Variants in SDK1 observed in about 807,000 individuals in gnomAD.
SDK1 encodes protein sidekick-1.
Under a neutral mutation model 245.5 loss-of-function variants are expected in SDK1, and 157 were observed. The observed-to-expected ratio is 0.64, with a 90% CI of 0.56 to 0.73. The LOEUF is 0.73. SDK1 is among the 30% of genes least tolerant of loss of function. The pLI, the probability that SDK1 is intolerant of heterozygous loss-of-function variation, is 0.00. For missense variants in SDK1, 3,583 were observed against 3,002.3 expected (o/e 1.19, Z -4.52); for synonymous variants, 1,647 against 1,278.5 (o/e 1.29, Z -6.15).
intron 5 of SDK1, among the ~76,000 whole-genome samples, chr7:3,825,704 G>C (rs1256267176): frequency 1.3e-5 from 2 of 152,176 alleles, no homozygotes; most frequent in South Asian, 2.1e-4. Flanking sequence ...GTAGTTGAAA[G>C]TGGATTCCTG....
intron 4 of SDK1, among the ~76,000 whole-genome samples, chr7:3,742,197 C>G (rs1042148882): frequency 2.6e-5 from 4 of 151,216 alleles, no homozygotes; most frequent in Non-Finnish European, 5.9e-5. Context: ...CCAATGTTTT[C>G]CGTATCTCTG....
chr7:3,988,002 G>T (rs981452755), intron 14 of SDK1, among the ~76,000 whole-genome samples: 7 of 152,022 alleles, frequency 4.6e-5, no homozygotes, highest in African/African-American at 1.7e-4. Flanking sequence ...TTTCCTTGAT[G>T]ACTCGAACAT....
chr7:3,528,073 T>A (rs1783208053), intron 1 of SDK1, among the ~76,000 whole-genome samples: 1 of 145,836 alleles, frequency 6.9e-6, no homozygotes, highest in Non-Finnish European at 1.5e-5. Context: ...TGAGGTTGGA[T>A]CATAGCCAGC....
chr7:3,633,001 C>G (rs967121480), intron 2 of SDK1, among the ~76,000 whole-genome samples: 2 of 152,030 alleles, frequency 1.3e-5, no homozygotes, highest in Non-Finnish European at 2.9e-5. Flanking sequence ...ATTTATCATG[C>G]CATTCCAAAA....
intron 4 of SDK1, among the ~76,000 whole-genome samples, chr7:3,731,945 C>G (rs540732193): frequency 3.7e-4 from 56 of 152,284 alleles, no homozygotes; most frequent in African/African-American, 1.3e-3. Context: ...GTGCCCACCA[C>G]CACGCCTAGA....
intron 40 of SDK1, among the ~76,000 whole-genome samples, chr7:4,229,579 AT>A (rs879423717): frequency 3.3e-5 from 5 of 150,550 alleles, no homozygotes; most frequent in Admixed American, 1.3e-4. Context: ...AGGGAGAATC[AT>A]TTTTTTTTTC....
At chr7:3,452,175 C>T (rs894783091) in intron 1 of SDK1, among the ~76,000 whole-genome samples, 4 of 152,106 alleles carry the variant, frequency 2.6e-5, no homozygotes, top group South Asian at 2.1e-4. Flanking sequence ...GGGCTTTTGT[C>T]GTGTCAGCTT....
In SDK1 at chr7:4,254,374, T is replaced by C. The variant is rs192917350; in HGVS notation, c.6381+8569T>C. On this transcript the variant is annotated intron_variant, in intron 44 of 44. Transcript: ENST00000404826. ...TCTATCTTTAAGTGAACTGATTCTT[T>C]CTTCTGCCAGCTCAAGTCTACTATT... 3.6e-3 allele frequency among the ~76,000 whole-genome samples: 555 copies of C among 152,326 alleles called. 5 individuals are homozygous for C. Among genetic ancestry groups the C allele is most frequent in the African/African-American group, 0.013 (532 of 41,584 alleles).
At chr7:3,356,202 G>A (rs1490278491) in intron 1 of SDK1, among the ~76,000 whole-genome samples, 3 of 152,128 alleles carry the variant, frequency 2.0e-5, no homozygotes, top group African/African-American at 7.2e-5. Context: ...AATTGAGACA[G>A]TGCTTGCCCT....
chr7:3,371,699 A>T (rs1781232602), intron 1 of SDK1, among the ~76,000 whole-genome samples: 1 of 152,214 alleles, frequency 6.6e-6, no homozygotes, highest in South Asian at 2.1e-4. Flanking sequence ...GAAAAAGATA[A>T]AAGTGGGTAA....
chr7:3,949,422 T>C (rs1027172360), intron 5 of SDK1, among the ~76,000 whole-genome samples: 3 of 152,242 alleles, frequency 2.0e-5, no homozygotes, highest in African/African-American at 4.8e-5. Flanking sequence ...CCGTCGTCTC[T>C]TTCCCGTTGT....
intron 4 of SDK1, among the ~76,000 whole-genome samples, chr7:3,785,778 C>A (rs765576045): frequency 6.6e-6 from 1 of 152,136 alleles, no homozygotes; most frequent in African/African-American, 2.4e-5. Context: ...GAGGAGACAG[C>A]CTCTTAAAAA....
chr7:4,022,488 C>T (rs571843071), intron 17 of SDK1, among the ~76,000 whole-genome samples: 5 of 152,278 alleles, frequency 3.3e-5, no homozygotes, highest in East Asian at 3.9e-4. Flanking sequence ...GCTAGGCTGC[C>T]GTCTCAAAGA....
At chr7:3,517,246 A>T (rs1056551594) in intron 1 of SDK1, among the ~76,000 whole-genome samples, 1 of 152,158 alleles carries the variant, frequency 6.6e-6, no homozygotes, top group East Asian at 1.9e-4. Flanking sequence ...GTTCATCATT[A>T]TGTAAAAATT....
chr7:4,051,890 A>C, intron 19 of SDK1, 60 bp downstream of exon 19: 5 of 1,474,908 alleles, frequency 3.4e-6, no homozygotes, highest in Non-Finnish European at 4.6e-6. Flanking sequence ...ATACCGCTGC[A>C]ACTTCCAGAA....
In SDK1 at chr7:4,147,265, G is replaced by A. The variant is rs141956923; in HGVS notation, c.4423+1349G>A. 8.3e-4 allele frequency among the ~76,000 whole-genome samples: 126 copies of A among 152,130 alleles called. 1 individual carries two copies. The highest frequency in any genetic ancestry group is 2.8e-3 in the African/African-American group (117 of 41,500). On this transcript the variant is annotated intron_variant, in intron 29 of 44. Transcript: ENST00000404826. ...ATGTGATCATAGGTCACCGCAGCCT[G>A]GAATGCCTGGGCTCAAGCAATGCTC...
rs1781268160 is a variant in SDK1, at chr7:3,883,863, C to T, written c.847+62280C>T. 2.6e-5 allele frequency among the ~76,000 whole-genome samples: 4 copies of T among 152,266 alleles called. No individual in the cohort carries two copies. In the South Asian group the frequency reaches 8.3e-4, roughly 32 times the overall value. On this transcript the variant is annotated intron_variant, in intron 5 of 44. Transcript: ENST00000404826. ...AATTTTTCTGTCTCCAGCGTTTTCTCCTTCACTCAAACGTCCACATGGCCT... is the reference window on the plus strand; with the variant it reads ...AATTTTTCTGTCTCCAGCGTTTTCTTCTTCACTCAAACGTCCACATGGCCT...
At chr7:3,835,431 A>G (rs2115079900) in intron 5 of SDK1, among the ~76,000 whole-genome samples, 1 of 152,290 alleles carries the variant, frequency 6.6e-6, no homozygotes, top group East Asian at 1.9e-4. Flanking sequence ...TATCAGGGAC[A>G]GTGTGCCGTG....
rs537852885 is a variant in SDK1, at chr7:3,404,625, C to G, written c.298+102741C>G. On this transcript the variant is annotated intron_variant, in intron 1 of 44. Transcript: ENST00000404826. ...ACTTCCAAACTGGTTTGGAAAGCTT[C>G]TCTGGGCTGAAAGCCAGTTGATTCT... 3.7e-4 allele frequency among the ~76,000 whole-genome samples: 57 copies of G among 152,336 alleles called. 1 individual carries two copies. Among genetic ancestry groups the G allele is most frequent in the Non-Finnish European group, 6.8e-4 (46 of 68,030 alleles).
Sources: gnomAD v4.1 joint callset for allele counts (sites outside exome capture counted in the v4.1 genomes callset) on GRCh38, gnomAD v4.1.1 for gene constraint, MANE v1.5 for transcripts, NCBI Gene and HGNC (gene_info 2026-07-23, HGNC 2026-07-21) for gene names.